The following PPP2R3B variants were observed in gnomAD, a reference collection of about 807,000 sequenced individuals.
PPP2R3B encodes serine/threonine-protein phosphatase 2A regulatory subunit B'' subunit beta.
A neutral mutation model predicts 72.9 loss-of-function variants in PPP2R3B; 68 were observed. The ratio of observed to expected loss-of-function variants is 0.93; its 90% CI spans 0.77 to 1.14. PPP2R3B has a LOEUF of 1.14. Ranked by LOEUF, PPP2R3B falls within the 50% of genes most tolerant of loss-of-function variation. The pLI is 0.00. For synonymous variants in PPP2R3B, 466 were observed against 375.8 expected, an observed-to-expected ratio of 1.24 and a Z score of -2.78; for missense variants, 1,018 against 842.0, an observed-to-expected ratio of 1.21 and a Z score of -2.59.
intron 1 of PPP2R3B, among the ~76,000 whole-genome samples, chrX:370,275 G>C (rs1448327530): frequency 6.6e-6 from 1 of 152,152 alleles, no homozygotes; most frequent in Non-Finnish European, 1.5e-5. Context: ...GTCTGAGTAG[G>C]CCAGAGCTCA....
chrX:347,712 G>A lies in PPP2R3B; in HGVS notation c.511-19C>T, dbSNP rs2071252680. On this transcript the variant is annotated intron_variant, in intron 2 of 12. Transcript: ENST00000390665. ...CGCAGGCCTGGGGCAGAGAGGGCAGGAGTGGGCAGTCAGCAGGGCCTGGAC... is the reference window on the plus strand; with the variant it reads ...CGCAGGCCTGGGGCAGAGAGGGCAGAAGTGGGCAGTCAGCAGGGCCTGGAC... The A allele has an allele frequency of 6.6e-7, 1 of 1,507,292 alleles. No individual in the cohort carries two copies. The highest frequency in any genetic ancestry group is 2.6e-5 in the Admixed American group (1 of 39,130). 93.4% of individuals were successfully genotyped at this position (1,507,292 alleles called of 1,614,324 possible). A position where few individuals can be genotyped will look rare whatever the true frequency, so the allele number is the denominator to read the frequency against.
At chrX:385,467 C>T (rs189826927) in intron 1 of PPP2R3B, among the ~76,000 whole-genome samples, 3 of 151,590 alleles carry the variant, frequency 2.0e-5, no homozygotes, top group East Asian at 1.9e-4. Flanking sequence ...CCAGAGGCTG[C>T]GCTTCTCACC....
chrX:342,076 C>G, intron 7 of PPP2R3B, 145 bp from the exon 8 acceptor site: 1 of 881,182 alleles, frequency 1.1e-6, no homozygotes. Flanking sequence ...CCCGATGCCC[C>G]TGCACGGCCC....
Position 341,873 on chromosome X carries a change from C to T in PPP2R3B, c.1085+10G>A, listed in dbSNP as rs372653668. 6.8e-5 allele frequency: 110 copies of T among 1,612,602 alleles called. 1 individual carries two copies. The African/African-American group carries it at 1.4e-3, about 20-fold the overall frequency. ...CAATGGCTGCCGTCAGGCGCCTGAG[C>T]CGTACGTACCGTGTGACTGCTCCTG... On this transcript the variant is annotated intron_variant, in intron 8 of 12. Coordinates refer to ENST00000390665, the MANE Select transcript of PPP2R3B (RefSeq NM_013239.5).
chrX:357,576 G>A (rs1399898954), intron 2 of PPP2R3B, among the ~76,000 whole-genome samples: 4 of 152,200 alleles, frequency 2.6e-5, no homozygotes, highest in African/African-American at 9.7e-5. Flanking sequence ...TATGTATGAT[G>A]CAGATACGAT....
At chrX:361,702 C>A in intron 1 of PPP2R3B, 112 bp from the exon 2 acceptor site, 2 of 1,259,882 alleles carry the variant, frequency 1.6e-6, no homozygotes. Context: ...GCCACCTGAT[C>A]CCAGCCGGGA....
Position 364,574 on chromosome X carries a change from C to T in PPP2R3B, c.325-2984G>A, listed in dbSNP as rs745333634. Among the ~76,000 whole-genome samples the T allele has an allele frequency of 1.3e-3, 190 of 151,322 alleles. 5 individuals carry two copies. Among genetic ancestry groups the T allele is most frequent in the Non-Finnish European group, 2.4e-3 (160 of 67,866 alleles). ...CAAAAAGAGTATAAAAAAAATTAGC[C>T]GGGTGTGGTGGAGGGTGCCTGTACT... On this transcript the variant is annotated intron_variant, in intron 1 of 12. Transcript: ENST00000390665.
At chrX:354,195 GCTCACCCAGGGA>G in intron 2 of PPP2R3B, among the ~76,000 whole-genome samples, 1 of 147,530 alleles carries the variant, frequency 6.8e-6, no homozygotes, top group Non-Finnish European at 1.5e-5. Flanking sequence ...AACACCGGGG[GCTCACCCAGGGA>G]CCGGGGGCTC....
At chrX:341,960 C>G (rs756410062) in intron 7 of PPP2R3B, 29 bp from the exon 8 acceptor site, 3 of 1,612,264 alleles carry the variant, frequency 1.9e-6, no homozygotes, top group Non-Finnish European at 2.5e-6. Context: ...GATGGGCAGC[C>G]CGCACCGTGC....
At chrX:368,966 G>A (rs1486588253) in intron 1 of PPP2R3B, among the ~76,000 whole-genome samples, 1 of 152,206 alleles carries the variant, frequency 6.6e-6, no homozygotes, top group East Asian at 1.9e-4. Context: ...ACCACCCCAT[G>A]CGGGCACAGA....
intron 7 of PPP2R3B, among the ~76,000 whole-genome samples, chrX:344,083 GGAGACCTCACCAACGGGAGGCGGGAGT>G (rs1569383328): frequency 2.3e-5 from 1 of 44,394 alleles, no homozygotes; most frequent in Non-Finnish European, 4.5e-5. Context: ...GAGGCGGGAG[GGAGACCTCACCAACGGGAGGCGGGAGT>G]GAGACCTCAC....
At chrX:369,906 T>C (rs953524545) in intron 1 of PPP2R3B, among the ~76,000 whole-genome samples, 11 of 152,086 alleles carry the variant, frequency 7.2e-5, no homozygotes, top group African/African-American at 2.7e-4. Flanking sequence ...GGCTGTGGTA[T>C]GGAATCAGGG....
At chrX:343,987 A>C (rs369502430) in intron 7 of PPP2R3B, among the ~76,000 whole-genome samples, 228 of 123,206 alleles carry the variant, frequency 1.9e-3, no homozygotes, top group African/African-American at 6.7e-3. Flanking sequence ...AGACCTCAGC[A>C]ACGGGAGGCG....
Position 334,304 on chromosome X carries a change from GCCGCGGTGGCC to G in PPP2R3B, c.*52_*62del. On this transcript the variant is annotated 3_prime_UTR_variant, in exon 13 of 13. Transcript: ENST00000390665. ...ATTTTCCACAACAGTTTTTACACGA[GCCGCGGTGGCC>G]CGGTGGTGGCACGTGGGGAGCGGCC... 1 of 1,414,224 alleles carries G rather than the reference GCCGCGGTGGCC, an allele frequency of 7.1e-7. No individual in the cohort carries two copies. The highest frequency in any genetic ancestry group is 1.5e-5 in the South Asian group (1 of 66,250). The allele number at this position is 1,414,224 out of a possible 1,614,324, so 87.6% of individuals were successfully genotyped here. A position where few individuals can be genotyped will look rare whatever the true frequency, so the allele number is the denominator to read the frequency against.
intron 2 of PPP2R3B, 126 bp from the exon 3 acceptor site, chrX:347,819 C>T (rs937633728): frequency 1.2e-5 from 8 of 689,264 alleles, no homozygotes; most frequent in East Asian, 2.8e-5. Flanking sequence ...GCACGCTCAG[C>T]GCGGCCTGTC....
chrX:341,056 C>T (rs1240674865), intron 9 of PPP2R3B, 116 bp from the exon 10 acceptor site: 3 of 1,424,762 alleles, frequency 2.1e-6, no homozygotes, highest in Admixed American at 2.1e-5. Context: ...CTTGCAGCCC[C>T]CACCGGGCGT....
At chrX:382,755 G>A (rs1202550818) in intron 1 of PPP2R3B, among the ~76,000 whole-genome samples, 6 of 152,040 alleles carry the variant, frequency 3.9e-5, no homozygotes, top group Non-Finnish European at 1.5e-5. Context: ...CCAGCCCTAG[G>A]AGAATTCATG....
In PPP2R3B at chrX:334,422, C is replaced by G; in HGVS notation, c.1673G>C (p.Gly558Ala). The change falls in exon 13 of 13, where the codon GGC becomes GCC. Residue 558 changes from glycine to alanine, a missense_variant. Transcript: ENST00000390665. The stretch of plus-strand genomic sequence containing the variant: ...TGCGTACTCGTACAGGTCCACGGCG[C>G]CCAGCGGTGAGGGCGCCTCGAAGAA... ...RPFFEAPSPL[G>A]AVDLYEYACG... 6.3e-7 allele frequency: 1 copy of G among 1,593,812 alleles called. No homozygotes were observed. The highest frequency in any genetic ancestry group is 8.5e-7 in the Non-Finnish European group (1 of 1,175,520).
chrX:362,148 C>T (rs56871024), intron 1 of PPP2R3B: 8,483 of 166,660 alleles, frequency 0.051, 798 homozygotes, highest in African/African-American at 0.19. Context: ...GCTGCGGACA[C>T]GCCTCAGCCC....
Sources: gnomAD v4.1 joint callset for allele counts (sites outside exome capture counted in the v4.1 genomes callset) on GRCh38, gnomAD v4.1.1 for gene constraint, MANE v1.5 for transcripts, NCBI Gene and HGNC (gene_info 2026-07-23, HGNC 2026-07-21) for gene names.